TACR3: variants seen among roughly 807,000 people sequenced by gnomAD.
The protein encoded by TACR3 is tachykinin receptor 3.
Under a neutral mutation model 35.0 loss-of-function variants are expected in TACR3, and 34 were observed. The ratio of observed to expected loss-of-function variants is 0.97; its 90% CI spans 0.74 to 1.30. The LOEUF is 1.30. TACR3 is among the 50% of genes most tolerant of loss of function. The pLI, the probability that TACR3 is intolerant of heterozygous loss-of-function variation, is 0.00. For missense variants in TACR3, 558 were observed against 591.7 expected (o/e 0.94, Z 0.59); for synonymous variants, 233 against 221.1 (o/e 1.05, Z -0.48).
chr4:103,596,593 T>G (rs546400677), intron 3 of TACR3, among the ~76,000 whole-genome samples: 2 of 152,066 alleles, frequency 1.3e-5, no homozygotes, highest in Non-Finnish European at 2.9e-5. Context: ...TTGATTAGAA[T>G]CCTTTTTTTA....
intron 3 of TACR3, among the ~76,000 whole-genome samples, chr4:103,631,344 A>T (rs115900128): frequency 9.7e-4 from 148 of 152,124 alleles, no homozygotes; most frequent in African/African-American, 3.1e-3. Context: ...TGAATAATAA[A>T]TGCATGGTAT....
At chr4:103,666,303 G>A (rs1264695519) in intron 1 of TACR3, among the ~76,000 whole-genome samples, 1 of 152,082 alleles carries the variant, frequency 6.6e-6, no homozygotes, top group Non-Finnish European at 1.5e-5. Context: ...GGCTTATTTA[G>A]GGTGAAGGTG....
In TACR3 at chr4:103,656,284, T is replaced by C; in HGVS notation, c.798A>G (p.Thr266=). The part of the protein sequence containing the change: ...YCFPLLIMGI[T]YTIVGITLWG... ...AGAGAGTAATTCCAACAATGGTGTA[T>C]GTAATACCCATGATGAGCAATGGGA... The change falls in exon 3 of 5, where the codon ACA becomes ACG. Residue 266 remains threonine (T), a synonymous_variant. Coordinates refer to ENST00000304883, the MANE Select transcript of TACR3 (RefSeq NM_001059.3). 1.2e-6 allele frequency: 2 copies of C among 1,612,964 alleles called. No homozygotes were observed. Among genetic ancestry groups the C allele is most frequent in the Non-Finnish European group, 1.7e-6 (2 of 1,179,224 alleles).
Position 103,600,701 on chromosome 4 carries a change from C to T in TACR3, c.889-9018G>A, listed in dbSNP as rs189592074. ...TTTCAAAGAACATCTTTATTTCTGC[C>T]TTCATTTCATTATTTACCCAGTAGT... On this transcript the variant is annotated intron_variant, in intron 3 of 4. Transcript: ENST00000304883. Among the ~76,000 whole-genome samples the T allele has an allele frequency of 1.5e-4, 23 of 152,202 alleles. No homozygotes were observed. The East Asian group carries it at 3.9e-3, about 26-fold the overall frequency.
intron 3 of TACR3, among the ~76,000 whole-genome samples, chr4:103,601,834 C>G (rs1303765565): frequency 6.6e-6 from 1 of 152,148 alleles, no homozygotes; most frequent in Non-Finnish European, 1.5e-5. Context: ...TCCTTCATTT[C>G]CACTTTGGTG....
intron 3 of TACR3, among the ~76,000 whole-genome samples, chr4:103,611,329 A>G (rs78260993): frequency 0.015 from 2,296 of 152,128 alleles, 49 homozygotes; most frequent in African/African-American, 0.052. Flanking sequence ...TATTGTAGAG[A>G]TCTTCCATCT....
At chr4:103,676,252 G>A (rs1416693547) in intron 1 of TACR3, among the ~76,000 whole-genome samples, 1 of 151,992 alleles carries the variant, frequency 6.6e-6, no homozygotes, top group African/African-American at 2.4e-5. Flanking sequence ...ATGAATAATT[G>A]TTCACAAATG....
intron 3 of TACR3, among the ~76,000 whole-genome samples, chr4:103,604,697 A>G (rs1724304978): frequency 1.3e-5 from 2 of 152,332 alleles, no homozygotes; most frequent in South Asian, 4.1e-4. Context: ...TTACAAGAAA[A>G]AAAACACCAC....
intron 3 of TACR3, among the ~76,000 whole-genome samples, chr4:103,634,846 C>CTCT (rs1402085118): frequency 9.9e-5 from 15 of 152,094 alleles, no homozygotes; most frequent in African/African-American, 3.6e-4. Flanking sequence ...CTTTCCATTT[C>CTCT]ACCTTTAGTT....
chr4:103,586,541 T>C lies in TACR3; in HGVS notation c.*3141A>G, dbSNP rs1723774925. On this transcript the variant is annotated 3_prime_UTR_variant, in exon 5 of 5. Coordinates refer to ENST00000304883, the MANE Select transcript of TACR3 (RefSeq NM_001059.3). Reference sequence around the variant, plus strand: ...ATGTTGAGCTGGCCAGCATTTATTTTTCACATTTATTTTGTATTTCATAGG... The same window carrying C: ...ATGTTGAGCTGGCCAGCATTTATTTCTCACATTTATTTTGTATTTCATAGG... The C allele has an allele frequency of 6.6e-6, 1 of 152,154 alleles. No homozygotes were observed. Among genetic ancestry groups the C allele is most frequent in the Non-Finnish European group, 1.5e-5 (1 of 68,016 alleles). The allele number at this position is 152,154 out of a possible 1,614,324, so 9.4% of individuals were successfully genotyped here. A position where few individuals can be genotyped will look rare whatever the true frequency, so the allele number is the denominator to read the frequency against.
intron 3 of TACR3, among the ~76,000 whole-genome samples, chr4:103,653,818 C>T (rs1725674328): frequency 6.6e-6 from 1 of 151,946 alleles, no homozygotes; most frequent in African/African-American, 2.4e-5. Flanking sequence ...GGCTAATATC[C>T]AGAATCTACA....
intron 3 of TACR3, among the ~76,000 whole-genome samples, chr4:103,601,840 T>G (rs1321766339): frequency 1.3e-5 from 2 of 152,208 alleles, no homozygotes; most frequent in African/African-American, 4.8e-5. Flanking sequence ...ATTTCCACTT[T>G]GGTGAATCTG....
At chr4:103,614,335 G>A (rs1057442865) in intron 3 of TACR3, among the ~76,000 whole-genome samples, 1 of 151,918 alleles carries the variant, frequency 6.6e-6, no homozygotes, top group Non-Finnish European at 1.5e-5. Flanking sequence ...AATATGCTAT[G>A]TTGGAGAAGT....
chr4:103,615,871 G>A lies in TACR3; in HGVS notation c.889-24188C>T, dbSNP rs544692794. On this transcript the variant is annotated intron_variant, in intron 3 of 4. Coordinates refer to ENST00000304883, the MANE Select transcript of TACR3 (RefSeq NM_001059.3). ...TGTATTTAAGATTTCAATTTGTACT[G>A]GCTCATAAATTTCATCTGAGATAAA... is the stretch of plus-strand genomic sequence containing the variant. Among the ~76,000 whole-genome samples, 10 of 152,008 alleles carry A rather than the reference G, an allele frequency of 6.6e-5. No individual in the cohort carries two copies. In the East Asian group the frequency reaches 1.9e-3, roughly 29 times the overall value.
At position 103,676,924 on chromosome 4, in the gene TACR3, A is replaced by G. The variant is rs191163604; in HGVS notation, c.549-18521T>C. On this transcript the variant is annotated intron_variant, in intron 1 of 4. Transcript: ENST00000304883. ...AGAAACTATCAAGAGTAAACAGCCA[A>G]CCTACAGAATGGGAGAATATTTTTG... 1.9e-3 allele frequency among the ~76,000 whole-genome samples: 288 copies of G among 152,354 alleles called. 3 individuals carry two copies. The highest frequency in any genetic ancestry group is 6.4e-3 in the African/African-American group (267 of 41,578).
intron 3 of TACR3, among the ~76,000 whole-genome samples, chr4:103,618,564 CTTTTTTTTTTTTTTTTT>C (rs57837921): frequency 2.3e-4 from 14 of 61,448 alleles, no homozygotes; most frequent in Admixed American, 1.8e-3. Context: ...GTGACTTGGG[CTTTTTTTTTTTTTTTTT>C]TTTTTTTTTT....
At chr4:103,673,758 T>G (rs1436073252) in intron 1 of TACR3, among the ~76,000 whole-genome samples, 1 of 152,160 alleles carries the variant, frequency 6.6e-6, no homozygotes, top group Non-Finnish European at 1.5e-5. Flanking sequence ...CTGCAAGGTG[T>G]AATAAAGCAT....
rs917382932 is a variant in TACR3, at chr4:103,718,952, C to T, written c.548+176G>A. Among the ~76,000 whole-genome samples, 5 of 152,162 alleles carry T rather than the reference C, an allele frequency of 3.3e-5. No individual in the cohort carries two copies. In the South Asian group the frequency reaches 1.0e-3, roughly 32 times the overall value. On this transcript the variant is annotated intron_variant, in intron 1 of 4. Coordinates refer to ENST00000304883, the MANE Select transcript of TACR3 (RefSeq NM_001059.3). Reference sequence around the variant, plus strand: ...GTGTTGGAGGCCACGGAAGCAGAAACTTGTTCAGCCACTCGAGGGCTACAA... The same window carrying T: ...GTGTTGGAGGCCACGGAAGCAGAAATTTGTTCAGCCACTCGAGGGCTACAA...
intron 1 of TACR3, among the ~76,000 whole-genome samples, chr4:103,695,705 C>G (rs1405510791): frequency 7.1e-6 from 1 of 140,438 alleles, no homozygotes. Flanking sequence ...AGATATGTCT[C>G]TCTCTCTGTG....
Sources: gnomAD v4.1 joint callset for allele counts (sites outside exome capture counted in the v4.1 genomes callset) on GRCh38, gnomAD v4.1.1 for gene constraint, MANE v1.5 for transcripts, NCBI Gene and HGNC (gene_info 2026-07-23, HGNC 2026-07-21) for gene names.